The following KCNK10 variants were observed in gnomAD, a reference collection of about 807,000 sequenced individuals.
KCNK10 encodes potassium channel subfamily K member 10.
A neutral mutation model predicts 47.7 loss-of-function variants in KCNK10; 25 were observed. The observed-to-expected ratio is 0.52, with a 90% confidence interval of 0.38 to 0.73. KCNK10 has a LOEUF of 0.73. Ranked by LOEUF, KCNK10 falls within the 30% of genes least tolerant of loss-of-function variation. KCNK10 has a pLI of 0.00. For synonymous variants in KCNK10, 303 were observed against 285.6 expected (o/e 1.06, Z -0.61); for missense variants, 563 against 714.5 (o/e 0.79, Z 2.42).
chr14:88,191,935 C>T (rs1052134713), intron 5 of KCNK10, among the ~76,000 whole-genome samples: 1 of 152,106 alleles, frequency 6.6e-6, no homozygotes, highest in African/African-American at 2.4e-5. Context: ...TTCAGAAGTT[C>T]AAGATTTAAT....
chr14:88,278,515 G>C (rs1887576945), intron 1 of KCNK10, among the ~76,000 whole-genome samples: 1 of 152,186 alleles, frequency 6.6e-6, no homozygotes, highest in Non-Finnish European at 1.5e-5. Context: ...AATGTGGAAT[G>C]AAAGTACCAC....
chr14:88,280,406 T>C (rs1162085554), intron 1 of KCNK10, among the ~76,000 whole-genome samples: 1 of 152,162 alleles, frequency 6.6e-6, no homozygotes, highest in Non-Finnish European at 1.5e-5. Context: ...TCTGCACCCC[T>C]TTTGTTCTAT....
At chr14:88,295,331 T>C (rs1887964505) in intron 1 of KCNK10, among the ~76,000 whole-genome samples, 1 of 152,204 alleles carries the variant, frequency 6.6e-6, no homozygotes, top group Admixed American at 6.5e-5. Flanking sequence ...TCTCATAATT[T>C]GCAAAATTCT....
At chr14:88,289,971 A>T (rs563846371) in intron 1 of KCNK10, among the ~76,000 whole-genome samples, 2 of 152,176 alleles carry the variant, frequency 1.3e-5, no homozygotes, top group Non-Finnish European at 2.9e-5. Flanking sequence ...CCCAGCACAC[A>T]GCAGAGGCAC....
At chr14:88,309,400 G>A (rs985043581) in intron 1 of KCNK10, among the ~76,000 whole-genome samples, 2 of 152,088 alleles carry the variant, frequency 1.3e-5, no homozygotes, top group East Asian at 1.9e-4. Flanking sequence ...TCAGGAGTTC[G>A]AGACCAGCCT....
intron 4 of KCNK10, among the ~76,000 whole-genome samples, chr14:88,220,814 A>C (rs1885784960): frequency 6.6e-6 from 1 of 152,150 alleles, no homozygotes; most frequent in African/African-American, 2.4e-5. Flanking sequence ...ATTACTTTTT[A>C]GATACAACAA....
intron 1 of KCNK10, among the ~76,000 whole-genome samples, chr14:88,278,415 A>G (rs977929488): frequency 6.6e-6 from 1 of 152,102 alleles, no homozygotes; most frequent in African/African-American, 2.4e-5. Context: ...CATTCAAGGA[A>G]CTCCCCAGTT....
At chr14:88,281,584 T>C (rs989095911) in intron 1 of KCNK10, among the ~76,000 whole-genome samples, 4 of 151,970 alleles carry the variant, frequency 2.6e-5, no homozygotes, top group Non-Finnish European at 5.9e-5. Flanking sequence ...GCTTTCCTGG[T>C]TCTCAGGCCT....
At position 88,322,033 on chromosome 14, in the gene KCNK10, T is replaced by C. The variant is rs1888557143; in HGVS notation, c.52+714A>G. The stretch of plus-strand genomic sequence containing the variant: ...CCCTCCCTTTTGCGTGGATGAAACC[T>C]GGTCCAACATTCGTAAAAGCATGCA... On this transcript the variant is annotated intron_variant, in intron 1 of 6. Transcript: ENST00000319231. This position sits in a 1 kb window ranked among gnomAD's most constrained non-coding sequence, Gnocchi z 4.8. Among the ~76,000 whole-genome samples the C allele has an allele frequency of 2.6e-5, 4 of 152,226 alleles. No individual in the cohort carries two copies. The highest frequency in any genetic ancestry group is 1.3e-4 in the Admixed American group (2 of 15,290).
Position 88,238,556 on chromosome 14 carries a change from T to C in KCNK10, c.520+2147A>G, listed in dbSNP as rs370689543. On this transcript the variant is annotated intron_variant, in intron 3 of 6. Coordinates refer to ENST00000319231, the MANE Select transcript of KCNK10 (RefSeq NM_138317.3). ...CAGGAATGGTGATGCACACTAGTAG[T>C]CTGAGCTACTTAGGGGGCTGAGGTG... Among the ~76,000 whole-genome samples the C allele has an allele frequency of 3.3e-5, 5 of 152,278 alleles. No homozygotes were observed. In the East Asian group the frequency reaches 5.8e-4, roughly 18 times the overall value.
rs201955964 is a variant in KCNK10 at position 88,311,571 on chromosome 14, T to A, written c.52+11176A>T. Among the ~76,000 whole-genome samples the A allele has an allele frequency of 4.6e-5, 7 of 152,124 alleles. No homozygotes were observed. The East Asian group carries it at 1.4e-3, about 29-fold the overall frequency. Reference sequence around the variant, plus strand: ...CTATACCAGACTGTGAGTGCAGGAGTGTTACTGGAAACTTTGAGTGCCATG... The same window carrying A: ...CTATACCAGACTGTGAGTGCAGGAGAGTTACTGGAAACTTTGAGTGCCATG... On this transcript the variant is annotated intron_variant, in intron 1 of 6. Transcript: ENST00000319231.
chr14:88,189,150 G>A (rs1435004586), intron 5 of KCNK10, among the ~76,000 whole-genome samples: 2 of 152,194 alleles, frequency 1.3e-5, no homozygotes, highest in African/African-American at 4.8e-5. Context: ...GCGCCACTGA[G>A]TCTTACGGCA....
intron 1 of KCNK10, among the ~76,000 whole-genome samples, chr14:88,293,781 T>A (rs993901618): frequency 1.3e-5 from 2 of 151,910 alleles, no homozygotes; most frequent in African/African-American, 4.8e-5. Context: ...GCTGAAGCGA[T>A]CCTCCTACCT....
intron 2 of KCNK10, among the ~76,000 whole-genome samples, chr14:88,252,988 A>G (rs1326555033): frequency 6.6e-6 from 1 of 152,182 alleles, no homozygotes; most frequent in African/African-American, 2.4e-5. Context: ...CAAGGAGAGT[A>G]CGATTAAGAG....
Position 88,322,930 on chromosome 14 carries a change from G to A in KCNK10, c.-132C>T. 1.3e-6 allele frequency: 2 copies of A among 1,523,146 alleles called. No homozygotes were observed. Among genetic ancestry groups the A allele is most frequent in the South Asian group, 2.5e-5 (2 of 79,880 alleles). 94.4% of individuals were successfully genotyped at this position (1,523,146 alleles called of 1,614,324 possible). ...ATGGGGGAGCCTTGGACTGGCTCGT[G>A]GAGGAACCCCAGAAAAAGACAGGTG... On this transcript the variant is annotated 5_prime_UTR_variant, in exon 1 of 7. Transcript: ENST00000319231. The surrounding 1 kb of genome is among the most constrained non-coding windows in gnomAD (Gnocchi z 4.8).
intron 1 of KCNK10, among the ~76,000 whole-genome samples, chr14:88,301,288 T>C (rs948936059): frequency 1.3e-5 from 2 of 152,184 alleles, no homozygotes; most frequent in Non-Finnish European, 2.9e-5. Context: ...ATCATCATCA[T>C]TATCATTATC....
intron 2 of KCNK10, among the ~76,000 whole-genome samples, chr14:88,242,976 G>A (rs528034226): frequency 1.3e-5 from 2 of 152,312 alleles, no homozygotes; most frequent in South Asian, 4.1e-4. Context: ...GTCTCACGGT[G>A]CTGAGAATTG....
intron 1 of KCNK10, among the ~76,000 whole-genome samples, chr14:88,299,961 G>A (rs1888061335): frequency 6.6e-6 from 1 of 152,096 alleles, no homozygotes; most frequent in African/African-American, 2.4e-5. Flanking sequence ...CCTGAATCTG[G>A]TTTTGCTCTC....
intron 4 of KCNK10, among the ~76,000 whole-genome samples, chr14:88,198,569 C>G (rs78385766): frequency 0.014 from 2,189 of 152,298 alleles, 29 homozygotes; most frequent in East Asian, 0.042. Flanking sequence ...GGTGTAAGGG[C>G]ACAGTTCCCT....
Sources: allele counts gnomAD v4.1 joint callset (sites outside exome capture counted in the v4.1 genomes callset), GRCh38; gene constraint gnomAD v4.1.1; non-coding constraint Gnocchi (gnomAD v3.1); transcripts MANE v1.5; gene names NCBI Gene and HGNC (gene_info 2026-07-23, HGNC 2026-07-21).